The following PRKN variants were observed in gnomAD, a reference collection of about 807,000 sequenced individuals.
PRKN encodes the protein E3 ubiquitin-protein ligase parkin.
A neutral mutation model predicts 59.5 loss-of-function variants in PRKN; 56 were observed. That is an observed-to-expected ratio of 0.94 (90% CI 0.76 to 1.18). PRKN has a LOEUF of 1.18. Among genes scored for constraint, PRKN ranks in the 50% most tolerant of loss-of-function variants. The pLI, the probability that PRKN is intolerant of heterozygous loss-of-function variation, is 0.00. For missense variants in PRKN, 657 were observed against 596.4 expected (o/e 1.10, Z -1.06); for synonymous variants, 250 against 222.1 (o/e 1.13, Z -1.12).
intron 2 of PRKN, among the ~76,000 whole-genome samples, chr6:162,302,001 T>C (rs1438999577): frequency 6.6e-6 from 1 of 152,132 alleles, no homozygotes; most frequent in African/African-American, 2.4e-5. Context: ...GGCATCCTGG[T>C]CAAAGACATT....
In PRKN at chr6:161,959,203, C is replaced by G. The variant is rs115971164; in HGVS notation, c.734+14099G>C. ...ACAGAGAGAAGTACCACCCAGATCC[C>G]GTTTCAAATAAGTATTTGCTGCTCA... On this transcript the variant is annotated intron_variant, in intron 6 of 11. Transcript: ENST00000366898. Among the ~76,000 whole-genome samples, 730 of 152,288 alleles carry G rather than the reference C, an allele frequency of 4.8e-3. 9 individuals are homozygous for G. Among genetic ancestry groups the G allele is most frequent in the African/African-American group, 0.017 (711 of 41,550 alleles).
chr6:161,394,425 C>T (rs1786655479), intron 9 of PRKN, among the ~76,000 whole-genome samples: 2 of 152,160 alleles, frequency 1.3e-5, no homozygotes, highest in Admixed American at 6.5e-5. Flanking sequence ...AATTAGTTTC[C>T]CACAAAATAT....
chr6:162,661,151 C>G (rs1370499783), intron 1 of PRKN, among the ~76,000 whole-genome samples: 1 of 151,984 alleles, frequency 6.6e-6, no homozygotes, highest in Non-Finnish European at 1.5e-5. Context: ...GTCCCAGCTA[C>G]TCAGGAGGCT....
intron 7 of PRKN, among the ~76,000 whole-genome samples, chr6:161,741,588 G>T (rs1169317054): frequency 6.6e-6 from 1 of 152,118 alleles, no homozygotes; most frequent in Non-Finnish European, 1.5e-5. Context: ...CCACTGACCT[G>T]GGAGAAATGC....
chr6:161,565,303 C>T (rs1436817481), intron 8 of PRKN, among the ~76,000 whole-genome samples: 6 of 152,094 alleles, frequency 3.9e-5, no homozygotes. Flanking sequence ...GACCTCACTC[C>T]AAATTCAACC....
chr6:162,587,585 A>C (rs1402730842), intron 1 of PRKN, among the ~76,000 whole-genome samples: 1 of 152,182 alleles, frequency 6.6e-6, no homozygotes, highest in African/African-American at 2.4e-5. Context: ...AATGGCAATA[A>C]ATATATTTAT....
At chr6:161,491,336 G>A (rs1777547529) in intron 9 of PRKN, among the ~76,000 whole-genome samples, 1 of 152,182 alleles carries the variant, frequency 6.6e-6, no homozygotes, top group South Asian at 2.1e-4. Flanking sequence ...GAACCACACA[G>A]GGAGCGTGAG....
rs2128138107 is a variant in PRKN at position 161,581,494 on chromosome 6, A to G, written c.872-12078T>C. Among the ~76,000 whole-genome samples, 1 of 152,334 alleles carries G rather than the reference A, an allele frequency of 6.6e-6. No homozygotes were observed. Among genetic ancestry groups the G allele is most frequent in the East Asian group, 1.9e-4 (1 of 5,180 alleles). On this transcript the variant is annotated intron_variant, in intron 7 of 11. Coordinates refer to ENST00000366898, the MANE Select transcript of PRKN (RefSeq NM_004562.3). This position sits in a 1 kb window ranked among gnomAD's most constrained non-coding sequence, Gnocchi z 4.5. ...GAGAGAGAAGAGGCCTGGAATCTAA[A>G]AACACAGATAATGTGCTGAACGGAA...
intron 1 of PRKN, among the ~76,000 whole-genome samples, chr6:162,701,650 A>AG (rs1177999317): frequency 1.3e-5 from 2 of 152,070 alleles, no homozygotes; most frequent in African/African-American, 2.4e-5. Flanking sequence ...TGTAAAGCTA[A>AG]GGGTCAACAA....
intron 2 of PRKN, among the ~76,000 whole-genome samples, chr6:162,390,448 T>A (rs979215314): frequency 2.9e-5 from 4 of 138,910 alleles, no homozygotes; most frequent in African/African-American, 8.6e-5. Context: ...ATATATATAT[T>A]TGGATTTTTT....
intron 2 of PRKN, among the ~76,000 whole-genome samples, chr6:162,409,188 A>T (rs973524695): frequency 6.6e-6 from 1 of 151,512 alleles, no homozygotes; most frequent in African/African-American, 2.4e-5. Flanking sequence ...TTTTATAGAC[A>T]GTGTCTCACT....
intron 1 of PRKN, among the ~76,000 whole-genome samples, chr6:162,556,467 T>C (rs2128205273): frequency 6.7e-6 from 1 of 148,900 alleles, no homozygotes; most frequent in Non-Finnish European, 1.5e-5. Context: ...CTGTAGCTAA[T>C]GCCGGGCGCA....
At chr6:161,485,627 G>A (rs955865582) in intron 9 of PRKN, among the ~76,000 whole-genome samples, 1 of 152,140 alleles carries the variant, frequency 6.6e-6, no homozygotes, top group Non-Finnish European at 1.5e-5. Flanking sequence ...ATATGTATAA[G>A]AGAGAAGCTT....
chr6:162,224,198 A>C (rs1032993239), intron 3 of PRKN, among the ~76,000 whole-genome samples: 2 of 152,202 alleles, frequency 1.3e-5, no homozygotes, highest in Admixed American at 6.5e-5. Flanking sequence ...AGTTTACAGA[A>C]CTGCCTAACA....
chr6:161,945,121 G>A (rs1179056348), intron 6 of PRKN, among the ~76,000 whole-genome samples: 1 of 147,160 alleles, frequency 6.8e-6, no homozygotes, highest in East Asian at 2.0e-4. Context: ...TTAAAAAAAA[G>A]CTGGATGAGA....
intron 6 of PRKN, among the ~76,000 whole-genome samples, chr6:161,853,711 T>C (rs1426416686): frequency 6.6e-6 from 1 of 152,202 alleles, no homozygotes; most frequent in Non-Finnish European, 1.5e-5. Context: ...CATTTCATTA[T>C]GCAGGAGATC....
rs190158209 is a variant in PRKN at position 161,946,666 on chromosome 6, T to C, written c.734+26636A>G. On this transcript the variant is annotated intron_variant, in intron 6 of 11. Transcript: ENST00000366898. ...TCAGAGTGATCTTAGAATTCAGTTA[T>C]TTTTATGGCTTGGAAAATCTACTCC... is the stretch of plus-strand genomic sequence containing the variant. Among the ~76,000 whole-genome samples, 757 of 152,276 alleles carry C rather than the reference T, an allele frequency of 5.0e-3. 11 individuals carry two copies. The highest frequency in any genetic ancestry group is 0.017 in the African/African-American group (717 of 41,538).
At chr6:162,186,087 C>A (rs1784017633) in intron 4 of PRKN, among the ~76,000 whole-genome samples, 1 of 151,824 alleles carries the variant, frequency 6.6e-6, no homozygotes, top group South Asian at 2.1e-4. Context: ...CACAGGATTC[C>A]CAACCTTACC....
At chr6:161,490,211 G>C (rs1777496028) in intron 9 of PRKN, among the ~76,000 whole-genome samples, 1 of 152,134 alleles carries the variant, frequency 6.6e-6, no homozygotes. Context: ...CTCTTACCCA[G>C]GTGTGGAGAG....
Sources: gnomAD v4.1 joint callset for allele counts (sites outside exome capture counted in the v4.1 genomes callset) on GRCh38, gnomAD v4.1.1 for gene constraint, Gnocchi (gnomAD v3.1) non-coding constraint, MANE v1.5 for transcripts, NCBI Gene and HGNC (gene_info 2026-07-23, HGNC 2026-07-21) for gene names.